Variants in MICAL3 observed in about 807,000 individuals in gnomAD.
MICAL3 encodes [F-actin]-monooxygenase MICAL3.
MICAL3 carries 62 observed loss-of-function variants against 207.4 expected under a neutral mutation model. The observed-to-expected ratio is 0.30, with a 90% CI of 0.24 to 0.37. The LOEUF (loss-of-function observed/expected upper bound fraction) is 0.37. MICAL3 is among the 10% of genes least tolerant of loss of function. The pLI is 1.00. For missense variants in MICAL3, 2,368 were observed against 2,635.6 expected (o/e 0.90, Z 2.22); for synonymous variants, 1,077 against 1,069.3 (o/e 1.01, Z -0.14).
intron 1 of MICAL3, among the ~76,000 whole-genome samples, chr22:18,021,702 A>T (rs1924487183): frequency 6.6e-6 from 1 of 152,166 alleles, no homozygotes; most frequent in African/African-American, 2.4e-5. Flanking sequence ...ATGCAGAGAC[A>T]AGCAATCTGG....
rs541054026 is a variant in MICAL3 at position 17,815,960 on chromosome 22, G to A, written c.5445+730C>T. Among the ~76,000 whole-genome samples the A allele has an allele frequency of 7.2e-5, 11 of 152,324 alleles. 1 individual carries two copies. The South Asian group carries it at 1.2e-3, about 17-fold the overall frequency. On this transcript the variant is annotated intron_variant, in intron 27 of 31. Transcript: ENST00000441493. ...GCTACATTCTCGGGAAGCTTTTGAC[G>A]CAAAAGGGAGGCAGGAAGCAGGAGA...
At chr22:17,829,319 A>C (rs1479172118) in intron 21 of MICAL3, among the ~76,000 whole-genome samples, 2 of 152,156 alleles carry the variant, frequency 1.3e-5, no homozygotes, top group Non-Finnish European at 2.9e-5. Flanking sequence ...GGCATGTGCC[A>C]CCATGCCCGA....
Position 17,864,555 on chromosome 22 carries a change from G to T in MICAL3, c.2605+344C>A. On this transcript the variant is annotated intron_variant, in intron 19 of 31. Transcript: ENST00000441493. Reference sequence around the variant, plus strand: ...AGTGTCTGAGCGCCTGCGAGCTCCTGTCTACCTACACAGGACCTGGGCCGC... The same window carrying T: ...AGTGTCTGAGCGCCTGCGAGCTCCTTTCTACCTACACAGGACCTGGGCCGC... 2.8e-6 allele frequency: 4 copies of T among 1,447,576 alleles called. No homozygotes were observed. In the South Asian group the frequency reaches 5.8e-5, roughly 21 times the overall value. 89.7% of individuals were successfully genotyped at this position (1,447,576 alleles called of 1,614,324 possible). A position where few individuals can be genotyped will look rare whatever the true frequency, so the allele number is the denominator to read the frequency against.
At chr22:17,975,998 G>A (rs565134222) in intron 1 of MICAL3, among the ~76,000 whole-genome samples, 27 of 151,906 alleles carry the variant, frequency 1.8e-4, no homozygotes, top group Admixed American at 1.1e-3. Flanking sequence ...GCAGTGAGCC[G>A]AGATAACACC....
intron 16 of MICAL3, among the ~76,000 whole-genome samples, chr22:17,881,505 G>A (rs1336946487): frequency 6.6e-6 from 1 of 152,188 alleles, no homozygotes; most frequent in Non-Finnish European, 1.5e-5. Flanking sequence ...ACAGCCACAG[G>A]GGTGATCTGC....
Position 17,817,731 on chromosome 22 carries a change from C to T in MICAL3, c.4930G>A (p.Glu1644Lys). The change falls in exon 26 of 32, where the codon GAG becomes AAG. Residue 1644 changes from glutamate (E) to lysine (K), a missense_variant. By Grantham distance (56) the Glu-to-Lys change is moderately conservative. Coordinates refer to ENST00000441493, the MANE Select transcript of MICAL3 (RefSeq NM_015241.3). ...KASSAPSQGKERRPDSPTRPT... is the reference protein window; with the variant it reads ...KASSAPSQGKKRRPDSPTRPT... Reference sequence around the variant, plus strand: ...CGTGTGGGGGAGTCAGGCCGGCGCTCCTTGCCCTGGGAGGGTGCTGAGGAC... The same window carrying T: ...CGTGTGGGGGAGTCAGGCCGGCGCTTCTTGCCCTGGGAGGGTGCTGAGGAC... 3 of 1,590,410 alleles carry T rather than the reference C, an allele frequency of 1.9e-6. No homozygotes were observed. Among genetic ancestry groups the T allele is most frequent in the Non-Finnish European group, 2.6e-6 (3 of 1,169,486 alleles).
intron 16 of MICAL3, among the ~76,000 whole-genome samples, chr22:17,877,145 GGAGGTTAGGGAGGTTAT>G (rs1928682740): frequency 6.9e-6 from 1 of 145,544 alleles, no homozygotes; most frequent in African/African-American, 2.7e-5. Flanking sequence ...GGGAGGTTAT[GGAGGTTAGGGAGGTTAT>G]GGAGGTTAGG....
intron 15 of MICAL3, among the ~76,000 whole-genome samples, chr22:17,886,637 T>C (rs1439082498): frequency 6.6e-6 from 1 of 151,886 alleles, no homozygotes; most frequent in Non-Finnish European, 1.5e-5. Context: ...AAAATCCGTC[T>C]CTACTAAAAA....
chr22:17,942,430 T>A (rs1933851605), intron 1 of MICAL3, among the ~76,000 whole-genome samples: 1 of 152,142 alleles, frequency 6.6e-6, no homozygotes, highest in African/African-American at 2.4e-5. Flanking sequence ...CCTCACCTCC[T>A]CCACTTAGCG....
chr22:17,900,921 T>C lies in MICAL3; in HGVS notation c.768A>G (p.Ala256=), dbSNP rs1211152897. Reference sequence around the variant, plus strand: ...CACTGATCTCTTCCACTTTAGCTTCTGCTGTTGTATTTCGGTTGATAAAAT... The same window carrying C: ...CACTGATCTCTTCCACTTTAGCTTCCGCTGTTGTATTTCGGTTGATAAAAT... ...TANFINRNTT[A]EAKVEEISGV... is the part of the protein sequence containing the mutation. Residue 256 remains alanine, a synonymous_variant, in exon 6 of 32, where the codon GCA becomes GCG. Coordinates refer to ENST00000441493, the MANE Select transcript of MICAL3 (RefSeq NM_015241.3). This position sits in a 1 kb window ranked among gnomAD's most constrained non-coding sequence, Gnocchi z 4.0. 2 of 1,614,042 alleles carry C rather than the reference T, an allele frequency of 1.2e-6. No individual in the cohort carries two copies. Among genetic ancestry groups the C allele is most frequent in the Non-Finnish European group, 8.5e-7 (1 of 1,179,864 alleles).
intron 27 of MICAL3, among the ~76,000 whole-genome samples, chr22:17,816,103 T>TA (rs1920989928): frequency 2.0e-5 from 3 of 152,326 alleles, no homozygotes; most frequent in Non-Finnish European, 2.9e-5. Flanking sequence ...AGGTGCCTGT[T>TA]AGAGTGTGCT....
At chr22:17,872,247 A>G (rs1187009123) in intron 16 of MICAL3, among the ~76,000 whole-genome samples, 1 of 152,232 alleles carries the variant, frequency 6.6e-6, no homozygotes, top group African/African-American at 2.4e-5. Flanking sequence ...ACTTGGCACA[A>G]CCGCGAAAGC....
Position 18,012,428 on chromosome 22 carries a change from C to G in MICAL3, c.-75+11853G>C, listed in dbSNP as rs566297973. On this transcript the variant is annotated intron_variant, in intron 1 of 31. Coordinates refer to ENST00000441493, the MANE Select transcript of MICAL3 (RefSeq NM_015241.3). ...TCATGGGGAGGGACCCTCTTTCAAA[C>G]TTTTGGAGGGGTAAGGGAGGGCCAG... Among the ~76,000 whole-genome samples, 3 of 152,228 alleles carry G rather than the reference C, an allele frequency of 2.0e-5. No homozygotes were observed. The South Asian group carries it at 6.2e-4, about 32-fold the overall frequency.
rs117380568 is a variant in MICAL3, at chr22:17,954,201, A to G, written c.-74-47315T>C. On this transcript the variant is annotated intron_variant, in intron 1 of 31. Coordinates refer to ENST00000441493, the MANE Select transcript of MICAL3 (RefSeq NM_015241.3). ...GCGCCTAGAACCTGTTAAAGAAAAA[A>G]TTATTTGGTGCTACTTACGAGAATA... 4.5e-3 allele frequency among the ~76,000 whole-genome samples: 683 copies of G among 152,258 alleles called. 4 individuals carry two copies. The highest frequency in any genetic ancestry group is 7.1e-3 in the Non-Finnish European group (484 of 68,024).
chr22:17,890,710 A>G (rs1930325369), intron 12 of MICAL3, among the ~76,000 whole-genome samples: 1 of 152,224 alleles, frequency 6.6e-6, no homozygotes, highest in South Asian at 2.1e-4. Context: ...TAAACAAAAC[A>G]AACAGAAATT....
intron 1 of MICAL3, among the ~76,000 whole-genome samples, chr22:17,915,106 C>A (rs1439757603): frequency 6.6e-6 from 1 of 151,746 alleles, no homozygotes; most frequent in South Asian, 2.1e-4. Context: ...AGGAGAATCC[C>A]AAAAAAAAGC....
chr22:18,006,837 C>G (rs994643485), intron 1 of MICAL3, among the ~76,000 whole-genome samples: 9 of 152,110 alleles, frequency 5.9e-5, no homozygotes, highest in African/African-American at 1.7e-4. Context: ...CTGTCACACA[C>G]ACACACACAA....
chr22:17,854,354 G>C (rs917044495), intron 19 of MICAL3, among the ~76,000 whole-genome samples: 78 of 152,252 alleles, frequency 5.1e-4, no homozygotes, highest in African/African-American at 1.6e-3. Flanking sequence ...GAGAAGCCCT[G>C]GCTTAGAAGT....
intron 1 of MICAL3, among the ~76,000 whole-genome samples, chr22:17,973,367 C>T (rs1935504019): frequency 6.6e-6 from 1 of 152,184 alleles, no homozygotes; most frequent in Non-Finnish European, 1.5e-5. Context: ...TGATAAGAGA[C>T]TTACTTCTGT....
Sources: gnomAD v4.1 joint callset for allele counts (sites outside exome capture counted in the v4.1 genomes callset) on GRCh38, gnomAD v4.1.1 for gene constraint, Gnocchi (gnomAD v3.1) non-coding constraint, MANE v1.5 for transcripts, NCBI Gene and HGNC (gene_info 2026-07-23, HGNC 2026-07-21) for gene names.